The following ATP6V0E1 variants were observed in gnomAD, a reference collection of about 807,000 sequenced individuals.
The protein encoded by ATP6V0E1 is ATPase H+ transporting V0 subunit e1.
A neutral mutation model predicts 11.6 loss-of-function variants in ATP6V0E1; 4 were observed. That is an observed-to-expected ratio of 0.35 (90% CI 0.17 to 0.79). The LOEUF (loss-of-function observed/expected upper bound fraction) is 0.79, where lower values mean the gene tolerates loss of function less well. ATP6V0E1 is among the 30% of genes least tolerant of loss of function. The pLI, the probability that ATP6V0E1 is intolerant of heterozygous loss-of-function variation, is 0.54. For missense variants in ATP6V0E1, 105 were observed against 100.0 expected (o/e 1.05, Z -0.21); for synonymous variants, 36 against 34.8 (o/e 1.04, Z -0.13).
chr5:173,024,846 CTTTTTTTTTTT>C (rs542062411), intron 3 of ATP6V0E1, among the ~76,000 whole-genome samples: 1 of 136,218 alleles, frequency 7.3e-6, no homozygotes, highest in Non-Finnish European at 1.6e-5. Context: ...TTTCTTTTTT[CTTTTTTTTTTT>C]TTTTGAGACA....
intron 3 of ATP6V0E1, among the ~76,000 whole-genome samples, chr5:173,026,083 G>A (rs560263747): frequency 4.6e-5 from 7 of 151,922 alleles, no homozygotes; most frequent in South Asian, 2.1e-4. Flanking sequence ...TGCAACCTCC[G>A]CTTCCTGGCT....
At chr5:173,010,029 T>G (rs1399553021) in intron 2 of ATP6V0E1, among the ~76,000 whole-genome samples, 1 of 152,222 alleles carries the variant, frequency 6.6e-6, no homozygotes, top group Non-Finnish European at 1.5e-5. Flanking sequence ...CCCAAAGTGC[T>G]GGAATTACAG....
chr5:173,019,155 T>G (rs1276984444), intron 2 of ATP6V0E1, among the ~76,000 whole-genome samples: 1 of 152,166 alleles, frequency 6.6e-6, no homozygotes, highest in South Asian at 2.1e-4. Flanking sequence ...GGGTTCTCAC[T>G]GTGTTGCCCA....
At chr5:173,022,309 A>C (rs972219624) in intron 3 of ATP6V0E1, among the ~76,000 whole-genome samples, 5 of 152,082 alleles carry the variant, frequency 3.3e-5, no homozygotes, top group African/African-American at 1.2e-4. Flanking sequence ...TGGCTCTCCT[A>C]TGTTTAGTAA....
chr5:172,983,987 G>A (rs776467588), intron 1 of ATP6V0E1, 23 bp downstream of exon 1: 8 of 1,606,648 alleles, frequency 5.0e-6, no homozygotes, highest in Non-Finnish European at 4.3e-6. Context: ...GGCCCGCCTT[G>A]GGAGGAACGG....
intron 3 of ATP6V0E1, among the ~76,000 whole-genome samples, chr5:173,021,845 G>A (rs1486512284): frequency 2.0e-5 from 3 of 152,150 alleles, no homozygotes; most frequent in African/African-American, 4.8e-5. Flanking sequence ...TCACGAGATC[G>A]AGACCACGGT....
intron 3 of ATP6V0E1, among the ~76,000 whole-genome samples, chr5:173,032,634 A>G (rs1396695470): frequency 1.3e-5 from 2 of 152,098 alleles, no homozygotes; most frequent in East Asian, 1.9e-4. Context: ...AGTGAAAACT[A>G]TCCCCCATTT....
At chr5:172,987,880 TTCG>T (rs1755920188) in intron 1 of ATP6V0E1, among the ~76,000 whole-genome samples, 1 of 151,874 alleles carries the variant, frequency 6.6e-6, no homozygotes, top group Admixed American at 6.6e-5. Flanking sequence ...ACCCAGCTAA[TTCG>T]TTGTTGTTGT....
At chr5:173,014,355 C>T (rs948998150) in intron 2 of ATP6V0E1, among the ~76,000 whole-genome samples, 9 of 151,996 alleles carry the variant, frequency 5.9e-5, no homozygotes, top group Admixed American at 5.9e-4. Context: ...CCAGCATTCC[C>T]GCTACTGGGT....
chr5:173,010,558 G>A (rs1756305983), intron 2 of ATP6V0E1, among the ~76,000 whole-genome samples: 2 of 152,120 alleles, frequency 1.3e-5, no homozygotes, highest in African/African-American at 4.8e-5. Flanking sequence ...GTCTAATACC[G>A]AATCCCATGT....
At chr5:173,020,439 T>G (rs1756461830) in intron 3 of ATP6V0E1, 72 bp downstream of exon 3, 1 of 889,390 alleles carries the variant, frequency 1.1e-6, no homozygotes, top group African/African-American at 1.7e-5. Context: ...TTTCTCACAT[T>G]TTATGGCCAT....
At chr5:173,023,891 A>G (rs1194196497) in intron 3 of ATP6V0E1, among the ~76,000 whole-genome samples, 3 of 151,908 alleles carry the variant, frequency 2.0e-5, no homozygotes, top group African/African-American at 7.2e-5. Flanking sequence ...AGGATGATCT[A>G]ATAGACTTGA....
At chr5:173,015,445 C>G (rs1437454053) in intron 2 of ATP6V0E1, among the ~76,000 whole-genome samples, 9 of 152,094 alleles carry the variant, frequency 5.9e-5, no homozygotes, top group Admixed American at 5.9e-4. Context: ...GATCTAATCA[C>G]GAACCAAGGA....
intron 2 of ATP6V0E1, among the ~76,000 whole-genome samples, chr5:173,006,612 T>TCAAACAAA (rs369237135): frequency 1.3e-4 from 20 of 152,110 alleles, no homozygotes; most frequent in South Asian, 4.1e-4. Context: ...AGACTCCATC[T>TCAAACAAA]CAAACAAACA....
intron 3 of ATP6V0E1, 139 bp downstream of exon 3, chr5:173,020,506 T>TAAAGAGCAGAAAAAGG: frequency 1.7e-6 from 1 of 600,986 alleles, no homozygotes; most frequent in Admixed American, 2.9e-5. Flanking sequence ...AGAGCAGAAA[T>TAAAGAGCAGAAAAAGG]AAAATTGGAA....
chr5:173,016,046 C>T (rs771028638), intron 2 of ATP6V0E1, among the ~76,000 whole-genome samples: 5 of 152,110 alleles, frequency 3.3e-5, no homozygotes, highest in Non-Finnish European at 7.4e-5. Context: ...TATAGTAAAC[C>T]AGAAAACGTG....
At chr5:172,988,970 C>T (rs1313009267) in intron 1 of ATP6V0E1, among the ~76,000 whole-genome samples, 1 of 152,052 alleles carries the variant, frequency 6.6e-6, no homozygotes, top group Non-Finnish European at 1.5e-5. Flanking sequence ...ATAACAGGCT[C>T]GAGCAGTGCC....
chr5:172,997,854 C>T (rs113706440), intron 2 of ATP6V0E1, among the ~76,000 whole-genome samples: 197 of 151,982 alleles, frequency 1.3e-3, no homozygotes, highest in Non-Finnish European at 2.3e-3. Context: ...TGGTGGCTCA[C>T]GCCTGTAATC....
At chr5:173,000,915 G>A (rs1212428514) in intron 2 of ATP6V0E1, among the ~76,000 whole-genome samples, 2 of 152,010 alleles carry the variant, frequency 1.3e-5, no homozygotes, top group Non-Finnish European at 2.9e-5. Flanking sequence ...TGGCCAGGCT[G>A]GTCTCGAACT....
Sources: allele counts gnomAD v4.1 joint callset (sites outside exome capture counted in the v4.1 genomes callset), GRCh38; gene constraint gnomAD v4.1.1; transcripts MANE v1.5; gene names NCBI Gene and HGNC (gene_info 2026-07-23, HGNC 2026-07-21).